ERC2: variants seen among roughly 807,000 people sequenced by gnomAD.
ERC2 encodes the protein ERC protein 2.
Under a neutral mutation model 114.8 loss-of-function variants are expected in ERC2, and 42 were observed. The ratio of observed to expected loss-of-function variants is 0.37; its 90% CI spans 0.29 to 0.47. The LOEUF (loss-of-function observed/expected upper bound fraction) is 0.47. Among genes scored for constraint, ERC2 ranks in the 20% least tolerant of loss-of-function variants. The pLI, the probability that ERC2 is intolerant of heterozygous loss-of-function variation, is 0.99. For synonymous variants in ERC2, 454 were observed against 425.5 expected, an observed-to-expected ratio of 1.07 and a Z score of -0.82; for missense variants, 939 against 1,150.7, an observed-to-expected ratio of 0.82 and a Z score of 2.66.
chr3:55,867,631 A>G (rs531673135), intron 14 of ERC2, among the ~76,000 whole-genome samples: 1 of 152,376 alleles, frequency 6.6e-6, no homozygotes, highest in African/African-American at 2.4e-5. Flanking sequence ...AAAGGAAAAC[A>G]GAAATAAAAT....
intron 4 of ERC2, among the ~76,000 whole-genome samples, chr3:56,170,763 A>ATTTTTTTT (rs71099618): frequency 8.4e-6 from 1 of 118,584 alleles, no homozygotes; most frequent in Non-Finnish European, 1.7e-5. Context: ...CACCTGGCTA[A>ATTTTTTTT]TTTTTTTTTT....
chr3:55,959,888 A>G (rs1266871770), intron 12 of ERC2, among the ~76,000 whole-genome samples: 2 of 152,190 alleles, frequency 1.3e-5, no homozygotes, highest in African/African-American at 2.4e-5. Flanking sequence ...CACTTCCAGG[A>G]GGGTTCAAAG....
chr3:56,018,553 G>A (rs889420135), intron 8 of ERC2, among the ~76,000 whole-genome samples: 3 of 152,164 alleles, frequency 2.0e-5, no homozygotes, highest in Non-Finnish European at 4.4e-5. Flanking sequence ...GAGGGAGCAG[G>A]CACACAGAGT....
chr3:56,032,117 A>G lies in ERC2; in HGVS notation c.1642-13086T>C, dbSNP rs537658611. Among the ~76,000 whole-genome samples the G allele has an allele frequency of 3.9e-4, 59 of 152,272 alleles. 1 individual carries two copies. The South Asian group carries it at 0.012, about 31-fold the overall frequency. ...GTGATCTCTCTACACACCAGCTCCT[A>G]TTTGCTTTCCACAAAAAGTGGAAGC... On this transcript the variant is annotated intron_variant, in intron 7 of 17. Transcript: ENST00000288221.
At chr3:55,975,686 TC>T (rs1435928265) in intron 12 of ERC2, among the ~76,000 whole-genome samples, 2 of 152,240 alleles carry the variant, frequency 1.3e-5, no homozygotes, top group Non-Finnish European at 2.9e-5. Context: ...GTTATGTTCA[TC>T]CCAGGCTCAA....
chr3:55,864,019 A>T (rs2062143041), intron 14 of ERC2, among the ~76,000 whole-genome samples: 1 of 150,588 alleles, frequency 6.6e-6, no homozygotes, highest in South Asian at 2.1e-4. Context: ...TTATAGCAGG[A>T]TGATATGTAG....
chr3:56,393,615 G>A (rs1355835159), intron 2 of ERC2, among the ~76,000 whole-genome samples: 1 of 152,160 alleles, frequency 6.6e-6, no homozygotes, highest in Non-Finnish European at 1.5e-5. Context: ...GATTAAATCT[G>A]TCATTGTCAC....
At chr3:55,743,655 C>T (rs2066123075) in intron 14 of ERC2, among the ~76,000 whole-genome samples, 1 of 150,258 alleles carries the variant, frequency 6.7e-6, no homozygotes, top group African/African-American at 2.5e-5. Flanking sequence ...AGCACTTTAG[C>T]CTATTATGAT....
chr3:56,214,966 C>T (rs113675762), intron 3 of ERC2, among the ~76,000 whole-genome samples: 339 of 152,268 alleles, frequency 2.2e-3, no homozygotes, highest in African/African-American at 7.9e-3. Context: ...ATCACCATGC[C>T]TGCCCTAAAA....
intron 3 of ERC2, among the ~76,000 whole-genome samples, chr3:56,196,187 G>A (rs1319816226): frequency 6.6e-6 from 1 of 152,100 alleles, no homozygotes. Flanking sequence ...ATGGTGGTTT[G>A]GGTGGGGCAG....
chr3:55,851,060 A>G (rs1488642167), intron 14 of ERC2, among the ~76,000 whole-genome samples: 1 of 152,150 alleles, frequency 6.6e-6, no homozygotes, highest in Non-Finnish European at 1.5e-5. Context: ...CTCAAAATCC[A>G]GACCCCATCA....
At position 56,010,548 on chromosome 3, in the gene ERC2, A is replaced by G. The variant is rs752209475; in HGVS notation, c.1821T>C (p.Asp607=). 3.1e-6 allele frequency: 5 copies of G among 1,613,514 alleles called. 1 individual carries two copies. In the South Asian group the frequency reaches 5.5e-5, roughly 18 times the overall value. ...CTATCTCTTCTAGTCTTTCCCGATC[A>G]TCTCTTTCTCGCTGTTCTTTCAAGC... The part of the protein sequence containing the change: ...IERLKEQRER[D]DRERLEEIES... The change falls in exon 9 of 18, where the codon GAT becomes GAC. Residue 607 remains aspartate (D), a synonymous_variant. Transcript: ENST00000288221.
At chr3:56,375,980 A>C (rs1441962456) in intron 2 of ERC2, among the ~76,000 whole-genome samples, 2 of 152,198 alleles carry the variant, frequency 1.3e-5, no homozygotes, top group African/African-American at 4.8e-5. Flanking sequence ...TGATGCCCTC[A>C]GTCCAATAGC....
chr3:55,530,967 A>G (rs2053628723), intron 17 of ERC2, among the ~76,000 whole-genome samples: 1 of 152,200 alleles, frequency 6.6e-6, no homozygotes, highest in Non-Finnish European at 1.5e-5. Flanking sequence ...ACAGGGCTCC[A>G]GAGCCCAACT....
intron 6 of ERC2, among the ~76,000 whole-genome samples, chr3:56,084,681 T>C (rs1197358381): frequency 6.6e-6 from 1 of 152,066 alleles, no homozygotes; most frequent in African/African-American, 2.4e-5. Flanking sequence ...TGAAGTCGTA[T>C]AATGGACATT....
intron 17 of ERC2, among the ~76,000 whole-genome samples, chr3:55,650,276 TCTC>T: frequency 6.6e-6 from 1 of 152,060 alleles, no homozygotes; most frequent in East Asian, 1.9e-4. Context: ...GCTCCCCAGT[TCTC>T]CTAGAACATT....
intron 3 of ERC2, among the ~76,000 whole-genome samples, chr3:56,278,899 C>A (rs2054175659): frequency 6.6e-6 from 1 of 152,176 alleles, no homozygotes; most frequent in Non-Finnish European, 1.5e-5. Flanking sequence ...GCCCTCATGA[C>A]CCAAACACTT....
chr3:56,111,895 C>T (rs1196668818), intron 6 of ERC2, among the ~76,000 whole-genome samples: 1 of 152,096 alleles, frequency 6.6e-6, no homozygotes, highest in Non-Finnish European at 1.5e-5. Flanking sequence ...GCAAAAAAGC[C>T]CAAATTCTAA....
At chr3:56,458,816 C>T (rs994095696) in intron 1 of ERC2, among the ~76,000 whole-genome samples, 2 of 152,068 alleles carry the variant, frequency 1.3e-5, no homozygotes, top group Non-Finnish European at 2.9e-5. Context: ...AAAGAAAAGA[C>T]ATCAAAAATC....
Sources: gnomAD v4.1 joint callset for allele counts (sites outside exome capture counted in the v4.1 genomes callset) on GRCh38, gnomAD v4.1.1 for gene constraint, MANE v1.5 for transcripts, NCBI Gene and HGNC (gene_info 2026-07-23, HGNC 2026-07-21) for gene names.